Variants in ZNF282 observed in about 807,000 individuals in gnomAD.
ZNF282 encodes zinc finger protein 282.
In ZNF282, 30 loss-of-function variants were observed where a neutral mutation model predicts 61.9. The ratio of observed to expected loss-of-function variants is 0.48; its 90% CI spans 0.36 to 0.66. The LOEUF is 0.66. ZNF282 is among the 30% of genes least tolerant of loss of function. The pLI, the probability that ZNF282 is intolerant of heterozygous loss-of-function variation, is 0.00. For missense variants in ZNF282, 788 were observed against 941.4 expected (o/e 0.84, Z 2.13); for synonymous variants, 396 against 405.0 (o/e 0.98, Z 0.27).
At chr7:149,218,196 G>A (rs1457029259) in intron 7 of ZNF282, among the ~76,000 whole-genome samples, 2 of 152,118 alleles carry the variant, frequency 1.3e-5, no homozygotes, top group East Asian at 3.9e-4. Context: ...TTCAGGAGTG[G>A]ATTGGCGGGG....
chr7:149,211,795 A>G (rs1453626845), intron 5 of ZNF282, among the ~76,000 whole-genome samples: 2 of 152,134 alleles, frequency 1.3e-5, no homozygotes, highest in Non-Finnish European at 2.9e-5. Flanking sequence ...TGAAAGCATC[A>G]CAGTATTAGG....
In ZNF282 at chr7:149,224,845, C is replaced by A; in HGVS notation, c.*198C>A. ...GGACGCCCAGCTCATCTAGGGTGGA[C>A]CCAGCTGCTGGGGAAGAGCCAGGGG... On this transcript the variant is annotated 3_prime_UTR_variant, in exon 8 of 8. Coordinates refer to ENST00000610704, the MANE Select transcript of ZNF282 (RefSeq NM_003575.4). 1.9e-6 allele frequency: 2 copies of A among 1,042,050 alleles called. No individual in the cohort carries two copies. The allele number at this position is 1,042,050 out of a possible 1,614,324, so 64.6% of individuals were successfully genotyped here. A position where few individuals can be genotyped will look rare whatever the true frequency, so the allele number is the denominator to read the frequency against.
At chr7:149,212,695 C>T (rs1002086504) in intron 6 of ZNF282, among the ~76,000 whole-genome samples, 2 of 152,122 alleles carry the variant, frequency 1.3e-5, no homozygotes, top group Admixed American at 1.3e-4. Context: ...ATTCTCCTGC[C>T]TCAGCCTCCT....
chr7:149,223,957 C>T lies in ZNF282; in HGVS notation c.1326C>T (p.Pro442=). 7.7e-7 allele frequency: 1 copy of T among 1,302,902 alleles called. No individual in the cohort carries two copies. Among genetic ancestry groups the T allele is most frequent in the Non-Finnish European group, 9.7e-7 (1 of 1,028,174 alleles). 80.7% of individuals were successfully genotyped at this position (1,302,902 alleles called of 1,614,324 possible). A position where few individuals can be genotyped will look rare whatever the true frequency, so the allele number is the denominator to read the frequency against. Residue 442 remains proline, a synonymous_variant, in exon 8 of 8, where the codon CCC becomes CCT. Coordinates refer to ENST00000610704, the MANE Select transcript of ZNF282 (RefSeq NM_003575.4). ...PIAVAENPGG[P]PSRGLLDDGF... Reference sequence around the variant, plus strand: ...CGGTGGCCGAGAACCCGGGCGGCCCCCCGAGCCGAGGGCTGCTGGACGACG... The same window carrying T: ...CGGTGGCCGAGAACCCGGGCGGCCCTCCGAGCCGAGGGCTGCTGGACGACG...
intron 1 of ZNF282, among the ~76,000 whole-genome samples, chr7:149,197,890 C>A (rs1359493325): frequency 1.3e-5 from 2 of 152,260 alleles, no homozygotes; most frequent in African/African-American, 4.8e-5. Context: ...AGGCAGAGAT[C>A]ATCATTCTTG....
At position 149,198,907 on chromosome 7, in the gene ZNF282, C is replaced by G. The variant is rs539067061; in HGVS notation, c.585+155C>G. ...TAAAGCCTGTCTCCACTGAAACAACCTGGTCTTGGACGTTCTACCCCAGCA... is the reference window on the plus strand; with the variant it reads ...TAAAGCCTGTCTCCACTGAAACAACGTGGTCTTGGACGTTCTACCCCAGCA... On this transcript the variant is annotated intron_variant, in intron 2 of 7. Coordinates refer to ENST00000610704, the MANE Select transcript of ZNF282 (RefSeq NM_003575.4). This position sits in a 1 kb window ranked among gnomAD's most constrained non-coding sequence, Gnocchi z 4.3. Among the ~76,000 whole-genome samples the G allele has an allele frequency of 4.0e-4, 61 of 152,314 alleles. No homozygotes were observed. The highest frequency in any genetic ancestry group is 3.1e-3 in the Admixed American group (47 of 15,304).
At chr7:149,201,508 T>G (rs142534686) in intron 2 of ZNF282, among the ~76,000 whole-genome samples, 1 of 152,178 alleles carries the variant, frequency 6.6e-6, no homozygotes, top group Non-Finnish European at 1.5e-5. Context: ...ATCCCAGCAC[T>G]TTGGAAGGCC....
Position 149,223,828 on chromosome 7 carries a change from G to C in ZNF282, c.1197G>C (p.Met399Ile), listed in dbSNP as rs1416949350. The C allele has an allele frequency of 6.8e-7, 1 of 1,477,426 alleles. No homozygotes were observed. The highest frequency in any genetic ancestry group is 8.9e-7 in the Non-Finnish European group (1 of 1,120,854). The allele number at this position is 1,477,426 out of a possible 1,614,324, so 91.5% of individuals were successfully genotyped here. Residue 399 changes from methionine to isoleucine, a missense_variant, in exon 8 of 8, where the codon ATG becomes ATC. By Grantham distance (10) the Met-to-Ile change is conservative. Transcript: ENST00000610704. Reference protein sequence around the residue: ...LDSGPSDSLLMVKNPPPAPPQ... With the variant: ...LDSGPSDSLLIVKNPPPAPPQ... ...TCTCCCCAGGTGACAGCCTGCTGATGGTGAAGAACCCACCCCCGGCCCCGC... is the reference window on the plus strand; with the variant it reads ...TCTCCCCAGGTGACAGCCTGCTGATCGTGAAGAACCCACCCCCGGCCCCGC...
At chr7:149,210,847 C>A in intron 5 of ZNF282, 143 bp downstream of exon 5, 1 of 1,249,408 alleles carries the variant, frequency 8.0e-7, no homozygotes. Context: ...GCATCCAGGG[C>A]TGGGCTGAGC....
At chr7:149,195,786 C>G in intron 1 of ZNF282, 32 bp downstream of exon 1, 1 of 1,463,240 alleles carries the variant, frequency 6.8e-7, no homozygotes. Context: ...CATGGCCGCG[C>G]TGCCGTGGGG....
intron 1 of ZNF282, among the ~76,000 whole-genome samples, chr7:149,197,172 G>A (rs968963610): frequency 2.0e-5 from 3 of 152,310 alleles, no homozygotes; most frequent in East Asian, 3.9e-4. Context: ...TTACCCTTCT[G>A]GGGTGAGGGC....
intron 7 of ZNF282, among the ~76,000 whole-genome samples, chr7:149,219,839 T>C (rs1796210206): frequency 6.6e-6 from 1 of 152,014 alleles, no homozygotes; most frequent in South Asian, 2.1e-4. Flanking sequence ...AGAGCAAGAC[T>C]TGGTCTCAAA....
intron 7 of ZNF282, among the ~76,000 whole-genome samples, chr7:149,219,720 A>G (rs1231682933): frequency 2.6e-5 from 4 of 152,104 alleles, no homozygotes; most frequent in Non-Finnish European, 2.9e-5. Flanking sequence ...GGTGGCAGGC[A>G]TCTGTAATCC....
rs1796008605 is a variant in ZNF282, at chr7:149,207,335, T to TC, written c.713-14dup. 6.3e-7 allele frequency: 1 copy of TC among 1,584,976 alleles called. No individual in the cohort carries two copies. On this transcript the variant is annotated splice_polypyrimidine_tract_variant and intron_variant, in intron 3 of 7. Coordinates refer to ENST00000610704, the MANE Select transcript of ZNF282 (RefSeq NM_003575.4). ...CAACTTCACTCAGCCTTTCCCTCCC[T>TC]CCTCCTCACTTCCAGACGCGGAGGG...
At chr7:149,207,272 G>A (rs1405283935) in intron 3 of ZNF282, 79 bp from the exon 4 acceptor site, 2 of 1,516,308 alleles carry the variant, frequency 1.3e-6, no homozygotes, top group Admixed American at 2.0e-5. Flanking sequence ...AGATGGGGTA[G>A]GGGAGAGTTC....
At chr7:149,204,906 C>G (rs1344131720) in intron 2 of ZNF282, among the ~76,000 whole-genome samples, 1 of 152,118 alleles carries the variant, frequency 6.6e-6, no homozygotes, top group South Asian at 2.1e-4. Flanking sequence ...ATCACGGGGT[C>G]AGGAGATCGA....
chr7:149,210,821 G>A (rs774765635), intron 5 of ZNF282, 117 bp downstream of exon 5: 25 of 1,369,664 alleles, frequency 1.8e-5, no homozygotes, highest in African/African-American at 5.9e-5. Context: ...GGCTGAGCTC[G>A]AAATGGAAGG....
chr7:149,212,306 C>G, intron 5 of ZNF282, 52 bp from the exon 6 acceptor site: 3 of 1,272,272 alleles, frequency 2.4e-6, no homozygotes, highest in East Asian at 2.5e-5. Flanking sequence ...CACAAACTTG[C>G]AGGAGATTTC....
intron 7 of ZNF282, among the ~76,000 whole-genome samples, chr7:149,219,490 G>A (rs1304098732): frequency 6.6e-6 from 1 of 152,216 alleles, no homozygotes; most frequent in Non-Finnish European, 1.5e-5. Flanking sequence ...GGTTGCATAT[G>A]CAGGACAGGG....
Sources: allele counts gnomAD v4.1 joint callset (sites outside exome capture counted in the v4.1 genomes callset), GRCh38; gene constraint gnomAD v4.1.1; non-coding constraint Gnocchi (gnomAD v3.1); transcripts MANE v1.5; gene names NCBI Gene and HGNC (gene_info 2026-07-23, HGNC 2026-07-21).